The following TRIM37 variants were observed in gnomAD, a reference collection of about 807,000 sequenced individuals.
TRIM37 encodes the protein tripartite motif containing 37.
In TRIM37, 80 loss-of-function variants were observed where a neutral mutation model predicts 129.8. That is an observed-to-expected ratio of 0.62 (90% CI 0.51 to 0.74). The LOEUF (loss-of-function observed/expected upper bound fraction) is 0.74, where lower values mean the gene tolerates loss of function less well. Among genes scored for constraint, TRIM37 ranks in the 30% least tolerant of loss-of-function variants. TRIM37 has a pLI of 0.00. For synonymous variants in TRIM37, 389 were observed against 387.1 expected, an observed-to-expected ratio of 1.00 and a Z score of -0.06; for missense variants, 1,054 against 1,176.5, an observed-to-expected ratio of 0.90 and a Z score of 1.52.
At position 59,103,742 on chromosome 17, in the gene TRIM37, G is replaced by A. The variant is rs768657596; in HGVS notation, c.123+551C>T. Among the ~76,000 whole-genome samples the A allele has an allele frequency of 6.0e-5, 9 of 148,978 alleles. No individual in the cohort carries two copies. The South Asian group carries it at 8.5e-4, about 14-fold the overall frequency. ...GGCTCACTGCAACCTCTGCCCTCCCGGGTTCAAACAATTCTCCTGCCTCAG... is the reference window on the plus strand; with the variant it reads ...GGCTCACTGCAACCTCTGCCCTCCCAGGTTCAAACAATTCTCCTGCCTCAG... On this transcript the variant is annotated intron_variant, in intron 2 of 23. Transcript: ENST00000262294.
chr17:58,972,335 T>C, the TRIM37 span: 193 of 1,537,976 alleles, frequency 1.3e-4, 1 homozygote, highest in Middle Eastern at 1.0e-3. Flanking sequence ...ATTTTCTAGT[T>C]ATTGATTAGG....
At chr17:58,996,766 C>CAA (rs764978723), downstream of TRIM37, among the ~76,000 whole-genome samples, 2 of 88,448 alleles carry the variant, frequency 2.3e-5, no homozygotes, top group Admixed American at 1.2e-4. Flanking sequence ...GAGACTCCAT[C>CAA]AAAAAAAAAA....
intron 2 of TRIM37, among the ~76,000 whole-genome samples, chr17:59,096,047 A>G (rs2044823961): frequency 6.6e-6 from 1 of 152,152 alleles, no homozygotes; most frequent in African/African-American, 2.4e-5. Flanking sequence ...AAACATCTAT[A>G]CCACTAAACT....
At chr17:59,061,202 C>A in intron 11 of TRIM37, 94 bp from the exon 12 acceptor site, 1 of 955,026 alleles carries the variant, frequency 1.0e-6, no homozygotes, top group South Asian at 1.4e-5. Context: ...AGAAGTACTT[C>A]TAAGCCTCAA....
intron 9 of TRIM37, among the ~76,000 whole-genome samples, chr17:59,065,516 G>A (rs2041856191): frequency 6.6e-6 from 1 of 152,090 alleles, no homozygotes; most frequent in South Asian, 2.1e-4. Context: ...TCACAGAATG[G>A]ACTAAAAGTC....
At chr17:59,011,395 C>T (rs2144890420) in intron 22 of TRIM37, among the ~76,000 whole-genome samples, 1 of 152,226 alleles carries the variant, frequency 6.6e-6, no homozygotes, top group South Asian at 2.1e-4. Context: ...CTGAAAATGC[C>T]ACCACCTACA....
At chr17:59,083,962 G>T (rs1216229849) in intron 5 of TRIM37, 40 bp downstream of exon 5, 1 of 1,509,488 alleles carries the variant, frequency 6.6e-7, no homozygotes, top group Non-Finnish European at 9.2e-7. Context: ...GTGCCTTCTA[G>T]CCTCTAACTT....
intron 19 of TRIM37, 36 bp downstream of exon 19, chr17:59,028,379 C>T (rs368896733): frequency 1.5e-4 from 236 of 1,589,006 alleles, no homozygotes; most frequent in Non-Finnish European, 1.9e-4. Context: ...TCCCAAATAA[C>T]GTGTGGAGAA....
chr17:59,014,867 T>C (rs1167370899), intron 21 of TRIM37, among the ~76,000 whole-genome samples: 1 of 150,752 alleles, frequency 6.6e-6, no homozygotes, highest in East Asian at 1.9e-4. Context: ...AAAAAAGTAC[T>C]ATCTCTTGAG....
At chr17:59,006,143 G>A (rs2034452955) in intron 22 of TRIM37, among the ~76,000 whole-genome samples, 2 of 152,110 alleles carry the variant, frequency 1.3e-5, no homozygotes, top group Admixed American at 1.3e-4. Context: ...AGAAATGCTA[G>A]GAAGAAATTC....
intron 4 of TRIM37, among the ~76,000 whole-genome samples, chr17:59,087,361 C>T (rs1264170687): frequency 1.3e-5 from 2 of 151,904 alleles, no homozygotes; most frequent in African/African-American, 2.4e-5. Context: ...TCCCAAAGTG[C>T]TGAGATTATA....
intron 14 of TRIM37, among the ~76,000 whole-genome samples, chr17:59,050,522 T>C (rs909656861): frequency 2.0e-5 from 3 of 151,022 alleles, no homozygotes; most frequent in Middle Eastern, 3.5e-3. Context: ...GAGAAACCCA[T>C]CTCCACAAAA....
At chr17:59,013,317 A>G (rs2035534547) in intron 21 of TRIM37, among the ~76,000 whole-genome samples, 2 of 151,850 alleles carry the variant, frequency 1.3e-5, no homozygotes, top group African/African-American at 4.8e-5. Context: ...CAATTTTTGT[A>G]CTTTGTTTTT....
intron 15 of TRIM37, among the ~76,000 whole-genome samples, chr17:59,048,268 G>A (rs2040010349): frequency 6.6e-6 from 1 of 152,150 alleles, no homozygotes; most frequent in African/African-American, 2.4e-5. Context: ...TTTATCAAAG[G>A]TTAACTGCTT....
At chr17:59,057,292 T>C (rs550572867) in intron 12 of TRIM37, among the ~76,000 whole-genome samples, 27 of 152,340 alleles carry the variant, frequency 1.8e-4, no homozygotes, top group South Asian at 1.0e-3. Flanking sequence ...TTCAGCTCAC[T>C]GCATCCTCTG....
chr17:58,999,183 G>A lies in TRIM37; in HGVS notation c.*194C>T. ...CATTACAAAGAACTCTTCCCATACT[G>A]TTTTTCCCATGTACTACTGCTGTCT... On this transcript the variant is annotated 3_prime_UTR_variant, in exon 24 of 24. Transcript: ENST00000262294. 2 of 1,434,786 alleles carry A rather than the reference G, an allele frequency of 1.4e-6. No individual in the cohort carries two copies. Among genetic ancestry groups the A allele is most frequent in the Non-Finnish European group, 1.8e-6 (2 of 1,097,996 alleles). 88.9% of individuals were successfully genotyped at this position (1,434,786 alleles called of 1,614,324 possible). A position where few individuals can be genotyped will look rare whatever the true frequency, so the allele number is the denominator to read the frequency against.
In TRIM37 at chr17:59,023,641, C is replaced by T. The variant is rs905056859; in HGVS notation, c.2257+4774G>A. ...CTGTACCCTAGCCTGGGTGACAGAG[C>T]AAGACTCTGTCTCAAAAAAAAGAAA... On this transcript the variant is annotated intron_variant, in intron 19 of 23. Transcript: ENST00000262294. Among the ~76,000 whole-genome samples, 32 of 151,684 alleles carry T rather than the reference C, an allele frequency of 2.1e-4. 1 individual carries two copies. The highest frequency in any genetic ancestry group is 7.3e-5 in the African/African-American group (3 of 41,274).
At chr17:59,036,576 A>G (rs1448687319) in intron 17 of TRIM37, among the ~76,000 whole-genome samples, 2 of 151,722 alleles carry the variant, frequency 1.3e-5, no homozygotes, top group African/African-American at 4.8e-5. Flanking sequence ...TCGAACTCCT[A>G]GGCTCAAGTG....
chr17:59,081,131 C>T lies in TRIM37; in HGVS notation c.458G>A (p.Arg153His), dbSNP rs772693015. 1.2e-6 allele frequency: 2 copies of T among 1,613,628 alleles called. No homozygotes were observed. Among genetic ancestry groups the T allele is most frequent in the Non-Finnish European group, 8.5e-7 (1 of 1,179,742 alleles). ...VNEEVAKLRRRLMELISLVQE... is the reference protein window; with the variant it reads ...VNEEVAKLRRHLMELISLVQE... Reference sequence around the variant, plus strand: ...AACTAAGCTGATCAGTTCCATGAGACGCCGACGAAGTTTGGCTACCTCTTC... The same window carrying T: ...AACTAAGCTGATCAGTTCCATGAGATGCCGACGAAGTTTGGCTACCTCTTC... The change falls in exon 6 of 24, where the codon CGT becomes CAT. Residue 153 changes from arginine (R) to histidine (H), a missense_variant. Around this residue, in one of 3 missense-constraint regions of TRIM37, gnomAD observed 752 missense variants for 870.8 expected, o/e 0.86. Transcript: ENST00000262294.
Sources: allele counts gnomAD v4.1 joint callset (sites outside exome capture counted in the v4.1 genomes callset), GRCh38; gene constraint gnomAD v4.1.1; regional missense constraint gnomAD v4.1.1; transcripts MANE v1.5; gene names NCBI Gene and HGNC (gene_info 2026-07-23, HGNC 2026-07-21).